The following GPR89A variants were observed in gnomAD, a reference collection of about 807,000 sequenced individuals.
GPR89A encodes G protein-coupled receptor 89A.
A neutral mutation model predicts 52.0 loss-of-function variants in GPR89A; 16 were observed. The observed-to-expected ratio is 0.31, with a 90% CI of 0.21 to 0.47. GPR89A has a LOEUF of 0.47. Ranked by LOEUF, GPR89A falls within the 20% of genes least tolerant of loss-of-function variation. The pLI is 1.00. For synonymous variants in GPR89A, 55 were observed against 150.9 expected (o/e 0.36, Z 4.66); for missense variants, 135 against 449.4 (o/e 0.30, Z 6.33).
chr1:145,617,875 G>A (rs1648833419), intron 2 of GPR89A, among the ~76,000 whole-genome samples: 1 of 152,010 alleles, frequency 6.6e-6, no homozygotes, highest in African/African-American at 2.4e-5. Flanking sequence ...TTCCCAGGGA[G>A]TTTATTGTCT....
At chr1:145,647,588 G>A (rs1553692825) in intron 10 of GPR89A, among the ~76,000 whole-genome samples, 2 of 151,600 alleles carry the variant, frequency 1.3e-5, no homozygotes, top group Admixed American at 1.3e-4. Context: ...CATATCACCT[G>A]AGGTCAGGAG....
intron 10 of GPR89A, among the ~76,000 whole-genome samples, chr1:145,650,119 C>A: frequency 6.6e-6 from 1 of 152,082 alleles, no homozygotes; most frequent in Non-Finnish European, 1.5e-5. Context: ...TAGCTATTTT[C>A]CCTGATGCTC....
At chr1:145,666,407 A>T (rs1459924329) in intron 12 of GPR89A, among the ~76,000 whole-genome samples, 1 of 152,020 alleles carries the variant, frequency 6.6e-6, no homozygotes, top group Non-Finnish European at 1.5e-5. Flanking sequence ...AAAACTATAT[A>T]CCAAGTCCTC....
intron 5 of GPR89A, among the ~76,000 whole-genome samples, chr1:145,626,964 AGAT>A (rs1649553556): frequency 6.7e-6 from 1 of 148,256 alleles, no homozygotes; most frequent in Admixed American, 6.7e-5. Context: ...AAAAAAAAAA[AGAT>A]AAGACCAATC....
chr1:145,642,933 A>G (rs1404376160), intron 7 of GPR89A, among the ~76,000 whole-genome samples: 4 of 152,072 alleles, frequency 2.6e-5, no homozygotes, highest in Non-Finnish European at 4.4e-5. Context: ...ACAGACTGAG[A>G]GGACCAGGAG....
At chr1:145,658,669 A>G (rs1323742233) in intron 10 of GPR89A, among the ~76,000 whole-genome samples, 9 of 150,472 alleles carry the variant, frequency 6.0e-5, no homozygotes, top group Non-Finnish European at 7.4e-5. Context: ...TATCTATTTC[A>G]TTTTATAGGT....
intron 5 of GPR89A, among the ~76,000 whole-genome samples, chr1:145,629,579 C>G (rs146352082): frequency 2.0e-5 from 3 of 151,942 alleles, no homozygotes. Flanking sequence ...AAAATCAGTA[C>G]GCATTCTAGC....
intron 1 of GPR89A, among the ~76,000 whole-genome samples, chr1:145,612,027 T>C (rs1394580597): frequency 2.6e-5 from 4 of 152,108 alleles, no homozygotes; most frequent in Non-Finnish European, 4.4e-5. Context: ...AAGGCTACTA[T>C]AGAAAATCAC....
intron 12 of GPR89A, 56 bp from the exon 13 acceptor site, chr1:145,669,569 T>C: frequency 8.1e-6 from 13 of 1,597,036 alleles, no homozygotes; most frequent in Non-Finnish European, 8.6e-6. Context: ...TTCTTACTGT[T>C]CGTGACACAG....
At chr1:145,613,873 A>C (rs1346325998) in intron 1 of GPR89A, among the ~76,000 whole-genome samples, 1 of 151,820 alleles carries the variant, frequency 6.6e-6, no homozygotes, top group Non-Finnish European at 1.5e-5. Context: ...TATAACGTCT[A>C]CCTGCCAGGC....
At chr1:145,641,127 C>T (rs1650627075) in intron 7 of GPR89A, among the ~76,000 whole-genome samples, 2 of 151,402 alleles carry the variant, frequency 1.3e-5, no homozygotes, top group Non-Finnish European at 2.9e-5. Flanking sequence ...CTAAACATGC[C>T]GTTACCACAC....
At chr1:145,662,650 C>T (rs1460702975) in intron 10 of GPR89A, among the ~76,000 whole-genome samples, 1 of 152,092 alleles carries the variant, frequency 6.6e-6, no homozygotes, top group South Asian at 2.1e-4. Context: ...TTTATTGGAA[C>T]GCAGCCAAGT....
intron 10 of GPR89A, among the ~76,000 whole-genome samples, chr1:145,652,439 A>G (rs1273146631): frequency 7.0e-6 from 1 of 143,198 alleles, no homozygotes; most frequent in Non-Finnish European, 1.5e-5. Flanking sequence ...TTCTTCAGGG[A>G]TATTGGCCTG....
chr1:145,669,733 T>A, intron 13 of GPR89A, 43 bp downstream of exon 13: 3 of 1,611,128 alleles, frequency 1.9e-6, no homozygotes, highest in Non-Finnish European at 2.5e-6. Context: ...CTGTAAAATA[T>A]CAGAAATGTG....
At chr1:145,615,311 T>A (rs1197220177) in intron 1 of GPR89A, among the ~76,000 whole-genome samples, 2 of 152,202 alleles carry the variant, frequency 1.3e-5, no homozygotes, top group African/African-American at 4.8e-5. Flanking sequence ...TCTCAACTCC[T>A]CTCCCCTGAA....
At chr1:145,662,913 G>A (rs1268158602) in intron 10 of GPR89A, among the ~76,000 whole-genome samples, 5 of 149,204 alleles carry the variant, frequency 3.4e-5, no homozygotes, top group African/African-American at 4.9e-5. Flanking sequence ...ATTTGATATC[G>A]TTTGTTGACT....
intron 10 of GPR89A, among the ~76,000 whole-genome samples, chr1:145,656,376 C>T (rs1162271713): frequency 2.6e-5 from 4 of 152,128 alleles, no homozygotes; most frequent in Admixed American, 6.5e-5. Context: ...GTGCCACAAT[C>T]ACTCATCGCC....
At chr1:145,650,046 A>G (rs1352308354) in intron 10 of GPR89A, among the ~76,000 whole-genome samples, 3 of 150,674 alleles carry the variant, frequency 2.0e-5, no homozygotes, top group South Asian at 2.1e-4. Context: ...ATATGTAAGT[A>G]TGTGCCATGG....
intron 10 of GPR89A, among the ~76,000 whole-genome samples, chr1:145,658,166 T>TGG (rs201655742): frequency 6.6e-6 from 1 of 151,996 alleles, no homozygotes; most frequent in African/African-American, 2.4e-5. Flanking sequence ...ATAATGGGGT[T>TGG]GGGGGGGAGC....
Sources: gnomAD v4.1 joint callset for allele counts (sites outside exome capture counted in the v4.1 genomes callset) on GRCh38, gnomAD v4.1.1 for gene constraint, MANE v1.5 for transcripts, NCBI Gene and HGNC (gene_info 2026-07-23, HGNC 2026-07-21) for gene names.